Variants in WDR5 observed in about 807,000 individuals in gnomAD.
WDR5 encodes WD repeat domain 5, also known as WD repeat-containing protein 5.
For synonymous variants in WDR5, 144 were observed against 161.6 expected (o/e 0.89, Z 0.83); for missense variants, 187 against 416.9 (o/e 0.45, Z 4.80).
At position 134,141,536 on chromosome 9, in the gene WDR5, G is replaced by T. The variant is rs1831889214; in HGVS notation, c.217G>T (p.Gly73Cys). 6.2e-7 allele frequency: 1 copy of T among 1,613,874 alleles called. No individual in the cohort carries two copies. Among genetic ancestry groups the T allele is most frequent in the Non-Finnish European group, 8.5e-7 (1 of 1,180,002 alleles). Residue 73 changes from glycine to cysteine, a missense_variant, in exon 4 of 14, where the codon GGC becomes TGC. By Grantham distance (159) the Gly-to-Cys change is radical. Transcript: ENST00000358625. Reference protein sequence around the residue: ...SSADKLIKIWGAYDGKFEKTI... With the variant: ...SSADKLIKIWCAYDGKFEKTI... ...TGCTGATAAACTTATTAAAATTTGG[G>T]GCGCGTATGATGGGAAATTTGAGAA...
At position 134,155,421 on chromosome 9, in the gene WDR5, A is replaced by T. The variant is rs575147059; in HGVS notation, c.741+48A>T. ...CCCCATGGTGCACCATCCCTGGGTC[A>T]TGGCCTCTGGTGGGGACAGAGCTGG... On this transcript the variant is annotated intron_variant, in intron 11 of 13. Transcript: ENST00000358625. The T allele has an allele frequency of 2.6e-6, 4 of 1,566,056 alleles. No individual in the cohort carries two copies. The African/African-American group carries it at 5.5e-5, about 21-fold the overall frequency.
chr9:134,141,402 T>G, intron 3 of WDR5, 108 bp from the exon 4 acceptor site: 1 of 1,062,408 alleles, frequency 9.4e-7, no homozygotes, highest in Non-Finnish European at 1.4e-6. Flanking sequence ...GCCATGTGGT[T>G]CATGCTGATC....
chr9:134,152,727 C>T (rs986612216), intron 9 of WDR5, among the ~76,000 whole-genome samples: 2 of 152,196 alleles, frequency 1.3e-5, no homozygotes, highest in Non-Finnish European at 2.9e-5. Context: ...CCCGTTTGCG[C>T]CCTTCTTCCC....
chr9:134,139,801 T>G lies in WDR5; in HGVS notation c.-58-19T>G, dbSNP rs1213155867. 4 of 1,504,114 alleles carry G rather than the reference T, an allele frequency of 2.7e-6. No individual in the cohort carries two copies. The highest frequency in any genetic ancestry group is 3.7e-6 in the Non-Finnish European group (4 of 1,089,740). 93.2% of individuals were successfully genotyped at this position (1,504,114 alleles called of 1,614,324 possible). A position where few individuals can be genotyped will look rare whatever the true frequency, so the allele number is the denominator to read the frequency against. On this transcript the variant is annotated intron_variant, in intron 1 of 13. Coordinates refer to ENST00000358625, the MANE Select transcript of WDR5 (RefSeq NM_017588.3). ...TATAGTTTGTTTCTTGGCTCCCTGT[T>G]CTGCATCTCGCTCAACAGACTGCCT...
rs11556391 is a variant in WDR5 at position 134,158,857 on chromosome 9, G to A, written c.*864G>A. ...TAGGTTCATTGTTCAGTGTTGCTGG[G>A]GGCGGGGAACGGGGGTGGGGAGGTT... is the stretch of plus-strand genomic sequence containing the variant. On this transcript the variant is annotated 3_prime_UTR_variant, in exon 14 of 14. Coordinates refer to ENST00000358625, the MANE Select transcript of WDR5 (RefSeq NM_017588.3). 55,042 of 152,000 alleles carry A rather than the reference G, an allele frequency of 0.36. 11,121 individuals are homozygous for A. The highest frequency in any genetic ancestry group is 0.46 in the Non-Finnish European group (31,004 of 67,960). The allele number at this position is 152,000 out of a possible 1,614,324, so 9.4% of individuals were successfully genotyped here.
intron 7 of WDR5, among the ~76,000 whole-genome samples, chr9:134,144,009 A>G (rs1832038426): frequency 6.6e-6 from 1 of 152,256 alleles, no homozygotes; most frequent in Admixed American, 6.5e-5. Flanking sequence ...CATTTGTCCC[A>G]TGCTGCCTGC....
intron 10 of WDR5, among the ~76,000 whole-genome samples, chr9:134,154,835 G>A (rs372111687): frequency 6.6e-6 from 1 of 152,194 alleles, no homozygotes; most frequent in South Asian, 2.1e-4. Flanking sequence ...TCGGCGGTCC[G>A]GGGGCCTCCA....
chr9:134,148,350 G>T lies in WDR5; in HGVS notation c.584+7G>T. The T allele has an allele frequency of 6.2e-7, 1 of 1,611,862 alleles. No homozygotes were observed. Among genetic ancestry groups the T allele is most frequent in the South Asian group, 1.1e-5 (1 of 90,990 alleles). ...GTAGCTATGATGGTCTCTGGTAAGT[G>T]AAAACATTTTACTTCATGAAGCGAT... On this transcript the variant is annotated splice_region_variant and intron_variant, in intron 8 of 13. Transcript: ENST00000358625.
At chr9:134,135,472 A>T (rs1369643651), upstream of WDR5, 2 of 152,238 alleles carry the variant, frequency 1.3e-5, no homozygotes, top group Non-Finnish European at 1.5e-5. Flanking sequence ...GTGCATGCAG[A>T]GGCGGGAAGA....
chr9:134,144,846 C>T (rs971435820), intron 7 of WDR5, among the ~76,000 whole-genome samples: 2 of 151,996 alleles, frequency 1.3e-5, no homozygotes, highest in South Asian at 2.1e-4. Flanking sequence ...TTAAAAAAAC[C>T]ACAAAGGTGA....
At chr9:134,136,410 G>T (rs1429812392) in intron 1 of WDR5, among the ~76,000 whole-genome samples, 3 of 150,826 alleles carry the variant, frequency 2.0e-5, no homozygotes, top group Admixed American at 6.6e-5. Flanking sequence ...CCCTCCACCC[G>T]GTCCGCCCCC....
At chr9:134,137,639 G>A (rs1229904654) in intron 1 of WDR5, among the ~76,000 whole-genome samples, 2 of 144,984 alleles carry the variant, frequency 1.4e-5, no homozygotes, top group African/African-American at 5.1e-5. Context: ...AGCCCAGATC[G>A]TGCACCTGGA....
chr9:134,138,500 G>A (rs1441775109), intron 1 of WDR5, among the ~76,000 whole-genome samples: 1 of 152,184 alleles, frequency 6.6e-6, no homozygotes, highest in Non-Finnish European at 1.5e-5. Flanking sequence ...CAAGTACCAC[G>A]TAGCTGGCAT....
chr9:134,143,131 G>GGGCTGGGTGGGGATGGCCC (rs1831982116), intron 7 of WDR5, among the ~76,000 whole-genome samples: 1 of 151,736 alleles, frequency 6.6e-6, no homozygotes, highest in Non-Finnish European at 1.5e-5. Context: ...TTTGATGGGC[G>GGGCTGGGTGGGGATGGCCC]GGCTGGGTGG....
intron 3 of WDR5, 131 bp from the exon 4 acceptor site, chr9:134,141,379 G>T (rs1588169259): frequency 1.2e-6 from 1 of 803,530 alleles, no homozygotes; most frequent in East Asian, 2.6e-5. Context: ...TGGCCGTGCT[G>T]AATGGGTTCT....
chr9:134,151,850 A>C, intron 8 of WDR5, 133 bp from the exon 9 acceptor site: 1 of 870,094 alleles, frequency 1.1e-6, no homozygotes, highest in South Asian at 1.6e-5. Flanking sequence ...ATGACTGTTA[A>C]ACAGGTGAAG....
At chr9:134,152,161 C>A in intron 9 of WDR5, 132 bp downstream of exon 9, 1 of 1,047,282 alleles carries the variant, frequency 9.5e-7, no homozygotes, top group South Asian at 1.6e-5. Context: ...AACCTTCCTC[C>A]GTGTCCGACC....
At chr9:134,140,044 T>G in intron 2 of WDR5, 86 bp downstream of exon 2, 1 of 1,448,506 alleles carries the variant, frequency 6.9e-7, no homozygotes, top group Non-Finnish European at 9.6e-7. Context: ...ATAAGCCTAG[T>G]CTTCCCTACT....
At position 134,141,493 on chromosome 9, in the gene WDR5, C is replaced by T. The variant is rs764916527; in HGVS notation, c.191-17C>T. On this transcript the variant is annotated splice_polypyrimidine_tract_variant and intron_variant, in intron 3 of 13. Coordinates refer to ENST00000358625, the MANE Select transcript of WDR5 (RefSeq NM_017588.3). The stretch of plus-strand genomic sequence containing the variant: ...TGTGTCCTGCTCTTAGCCTCAGATC[C>T]TTTTGTTTTCTTTCAGCTGCTGATA... 4 of 1,613,660 alleles carry T rather than the reference C, an allele frequency of 2.5e-6. No individual in the cohort carries two copies. In the South Asian group the frequency reaches 4.4e-5, roughly 18 times the overall value.
Sources: allele counts gnomAD v4.1 joint callset (sites outside exome capture counted in the v4.1 genomes callset), GRCh38; gene constraint gnomAD v4.1.1; transcripts MANE v1.5; gene names NCBI Gene and HGNC (gene_info 2026-07-23, HGNC 2026-07-21).